The following SETBP1 variants were observed in gnomAD, a reference collection of about 807,000 sequenced individuals.
SETBP1 encodes SET-binding protein.
SETBP1 carries 9 observed loss-of-function variants against 101.0 expected under a neutral mutation model. The observed-to-expected ratio is 0.09, with a 90% CI of 0.05 to 0.16. The LOEUF is 0.16. SETBP1 is among the 10% of genes least tolerant of loss of function. SETBP1 has a pLI of 1.00. For synonymous variants in SETBP1, 818 were observed against 788.5 expected, an observed-to-expected ratio of 1.04 and a Z score of -0.63; for missense variants, 1,858 against 2,033.8, an observed-to-expected ratio of 0.91 and a Z score of 1.66.
chr18:45,049,006 ATAG>A (rs2073673842), intron 5 of SETBP1, among the ~76,000 whole-genome samples: 6 of 136,512 alleles, frequency 4.4e-5, no homozygotes, highest in South Asian at 2.3e-4. Context: ...AAAAAAAAAA[ATAG>A]AAGATTAGCC....
At chr18:44,798,770 C>T (rs1040114242) in intron 2 of SETBP1, among the ~76,000 whole-genome samples, 2 of 152,178 alleles carry the variant, frequency 1.3e-5, no homozygotes, top group South Asian at 2.1e-4. Context: ...AGGTCACTTA[C>T]GTGTAGCTCA....
At chr18:44,940,268 T>C (rs1231362552) in intron 3 of SETBP1, among the ~76,000 whole-genome samples, 1 of 152,188 alleles carries the variant, frequency 6.6e-6, no homozygotes, top group South Asian at 2.1e-4. Context: ...GTATTTAAAG[T>C]GTATCTCCTA....
At chr18:44,989,640 C>T (rs950726847) in intron 4 of SETBP1, among the ~76,000 whole-genome samples, 12 of 151,544 alleles carry the variant, frequency 7.9e-5, no homozygotes, top group South Asian at 2.1e-4. Context: ...TCTGCCGAGG[C>T]GGGCGGATCA....
chr18:44,748,445 G>A (rs765683123), intron 2 of SETBP1, among the ~76,000 whole-genome samples: 9 of 152,204 alleles, frequency 5.9e-5, no homozygotes, highest in Non-Finnish European at 1.3e-4. Flanking sequence ...CTGGGGAAGA[G>A]CAGAACATGA....
intron 4 of SETBP1, among the ~76,000 whole-genome samples, chr18:44,982,230 G>A (rs1007401672): frequency 4.6e-5 from 7 of 152,172 alleles, no homozygotes; most frequent in Admixed American, 2.0e-4. Flanking sequence ...GAAAATGGTA[G>A]CATCATTGAA....
At chr18:45,007,364 C>A (rs886959310) in intron 4 of SETBP1, among the ~76,000 whole-genome samples, 1 of 152,116 alleles carries the variant, frequency 6.6e-6, no homozygotes, top group African/African-American at 2.4e-5. Flanking sequence ...GAAAACAATA[C>A]ACATCTTGAG....
At chr18:44,798,610 G>A (rs1198103403) in intron 2 of SETBP1, among the ~76,000 whole-genome samples, 1 of 152,164 alleles carries the variant, frequency 6.6e-6, no homozygotes, top group East Asian at 1.9e-4. Context: ...TATGAGGAAA[G>A]TCATCATTTT....
At chr18:44,913,548 A>G (rs1271466510) in intron 3 of SETBP1, among the ~76,000 whole-genome samples, 1 of 152,240 alleles carries the variant, frequency 6.6e-6, no homozygotes, top group Non-Finnish European at 1.5e-5. Context: ...TACAACTTGA[A>G]CATGTAGGGC....
chr18:44,978,783 T>C (rs2072046602), intron 4 of SETBP1, among the ~76,000 whole-genome samples: 2 of 152,280 alleles, frequency 1.3e-5, no homozygotes, highest in African/African-American at 4.8e-5. Context: ...TGGCTGCCCA[T>C]GATGGCCTGC....
chr18:45,063,759 C>A lies in SETBP1; in HGVS notation c.*61C>A, dbSNP rs1417020561. On this transcript the variant is annotated 3_prime_UTR_variant, in exon 6 of 6. Coordinates refer to ENST00000649279, the MANE Select transcript of SETBP1 (RefSeq NM_015559.3). ...ACTGACACGTGGGAAGCGCAGTGAG[C>A]CGGGGCGGGGGCGGAATCCCCCGCT... 1.3e-6 allele frequency: 2 copies of A among 1,544,818 alleles called. No individual in the cohort carries two copies. Among genetic ancestry groups the A allele is most frequent in the Non-Finnish European group, 1.8e-6 (2 of 1,142,548 alleles).
chr18:45,020,728 AT>A (rs997511861), intron 4 of SETBP1, among the ~76,000 whole-genome samples: 1 of 151,946 alleles, frequency 6.6e-6, no homozygotes, highest in African/African-American at 2.4e-5. Flanking sequence ...TCACCATGCA[AT>A]TTTTTTTGAT....
intron 2 of SETBP1, among the ~76,000 whole-genome samples, chr18:44,711,026 G>A (rs762053666): frequency 4.6e-5 from 7 of 152,126 alleles, no homozygotes; most frequent in South Asian, 2.1e-4. Flanking sequence ...GCCACGCCAC[G>A]TCGTATGAAG....
intron 4 of SETBP1, among the ~76,000 whole-genome samples, chr18:44,976,239 G>A (rs1217370431): frequency 6.6e-6 from 1 of 152,136 alleles, no homozygotes; most frequent in Non-Finnish European, 1.5e-5. Flanking sequence ...AACAGCAGAG[G>A]AGAGCCGCCG....
chr18:44,699,239 T>C (rs930142339), intron 1 of SETBP1, among the ~76,000 whole-genome samples: 2 of 152,196 alleles, frequency 1.3e-5, no homozygotes, highest in Non-Finnish European at 2.9e-5. Flanking sequence ...GAATAGACTG[T>C]GAACATTACT....
chr18:44,819,141 T>A (rs1413218998), intron 2 of SETBP1, among the ~76,000 whole-genome samples: 1 of 135,148 alleles, frequency 7.4e-6, no homozygotes, highest in East Asian at 2.2e-4. Flanking sequence ...GGGAGTAGAC[T>A]TCCCTTTTTC....
At chr18:44,727,780 C>T (rs1022878921) in intron 2 of SETBP1, among the ~76,000 whole-genome samples, 1 of 152,212 alleles carries the variant, frequency 6.6e-6, no homozygotes, top group African/African-American at 2.4e-5. Context: ...TTGAACACTT[C>T]TGGGCTGAGA....
At position 44,963,782 on chromosome 18, in the gene SETBP1, T is replaced by C. The variant is rs369818073; in HGVS notation, c.4000+10442T>C. 2.7e-5 allele frequency among the ~76,000 whole-genome samples: 4 copies of C among 147,200 alleles called. No homozygotes were observed. In the East Asian group the frequency reaches 6.0e-4, roughly 22 times the overall value. On this transcript the variant is annotated intron_variant, in intron 4 of 5. Transcript: ENST00000649279. Reference sequence around the variant, plus strand: ...GTGCACACCTGTAGTCCCAGCTACTTGGGAGGCTGAGGTGGGACGACTGCT... The same window carrying C: ...GTGCACACCTGTAGTCCCAGCTACTCGGGAGGCTGAGGTGGGACGACTGCT...
At chr18:44,847,629 C>A (rs867626301) in intron 2 of SETBP1, among the ~76,000 whole-genome samples, 7 of 152,190 alleles carry the variant, frequency 4.6e-5, no homozygotes, top group African/African-American at 1.7e-4. Context: ...ATGTGTCAAG[C>A]ACTGTGGGGG....
intron 5 of SETBP1, among the ~76,000 whole-genome samples, chr18:45,044,809 C>T (rs572484667): frequency 6.6e-6 from 1 of 152,306 alleles, no homozygotes; most frequent in South Asian, 2.1e-4. Context: ...GTAAAGCCAG[C>T]CCAAAGGAGA....
Sources: allele counts gnomAD v4.1 joint callset (sites outside exome capture counted in the v4.1 genomes callset), GRCh38; gene constraint gnomAD v4.1.1; transcripts MANE v1.5; gene names NCBI Gene and HGNC (gene_info 2026-07-23, HGNC 2026-07-21).